Variants in SGSM3 observed in about 807,000 individuals in gnomAD.
SGSM3 encodes the protein RUN and SH3 containing 3.
SGSM3 carries 96 observed loss-of-function variants against 100.5 expected under a neutral mutation model. The observed-to-expected ratio is 0.96, with a 90% CI of 0.81 to 1.13. The LOEUF (loss-of-function observed/expected upper bound fraction) is 1.13. SGSM3 is among the 50% of genes most tolerant of loss of function. SGSM3 has a pLI of 0.00. For missense variants in SGSM3, 1,001 were observed against 1,015.8 expected (o/e 0.99, Z 0.20); for synonymous variants, 483 against 422.8 (o/e 1.14, Z -1.75).
chr22:40,396,342 A>G (rs1478978964), intron 1 of SGSM3, among the ~76,000 whole-genome samples: 3 of 152,106 alleles, frequency 2.0e-5, no homozygotes, highest in Non-Finnish European at 4.4e-5. Context: ...CTGTAATCCC[A>G]GCACTTTGGG....
intron 1 of SGSM3, among the ~76,000 whole-genome samples, chr22:40,373,912 C>A (rs2046054097): frequency 6.6e-6 from 1 of 151,678 alleles, no homozygotes; most frequent in African/African-American, 2.4e-5. Context: ...CCACACCTGG[C>A]CTGATAGGGT....
At position 40,408,074 on chromosome 22, in the gene SGSM3, G is replaced by T. The variant is rs200384598; in HGVS notation, c.1583G>T (p.Trp528Leu). Reference sequence around the variant, plus strand: ...ACAGGGCCTGTTTTTCCCACAGGCTGGTTTCCAGCCAAGTTCGTGGAAGTC... The same window carrying T: ...ACAGGGCCTGTTTTTCCCACAGGCTTGTTTCCAGCCAAGTTCGTGGAAGTC... The part of the protein sequence containing the change: ...WVGELNGLRG[W>L]FPAKFVEVLD... The change falls in exon 15 of 22, where the codon TGG becomes TTG. Residue 528 changes from tryptophan (W) to leucine (L), a missense_variant. Physicochemically the swap from Trp to Leu is moderately conservative, Grantham distance 61. Transcript: ENST00000248929. The T allele has an allele frequency of 6.2e-7, 1 of 1,613,540 alleles. No homozygotes were observed. Among genetic ancestry groups the T allele is most frequent in the East Asian group, 2.2e-5 (1 of 44,848 alleles).
chr22:40,409,444 C>G lies in SGSM3; in HGVS notation c.2112-21C>G, dbSNP rs116839706. On this transcript the variant is annotated intron_variant, in intron 20 of 21. Coordinates refer to ENST00000248929, the MANE Select transcript of SGSM3 (RefSeq NM_015705.6). ...CTAGCTGGGGGTGACAAGAGCCTTACCACCCCTTCCTCACCTCTAGAGTCC... is the reference window on the plus strand; with the variant it reads ...CTAGCTGGGGGTGACAAGAGCCTTAGCACCCCTTCCTCACCTCTAGAGTCC... 267 of 1,566,534 alleles carry G rather than the reference C, an allele frequency of 1.7e-4. 1 individual carries two copies. In the African/African-American group the frequency reaches 3.1e-3, roughly 18 times the overall value.
Position 40,409,254 on chromosome 22 carries a change from C to T in SGSM3, c.1993C>T (p.Gln665Ter), listed in dbSNP as rs1293637619. The T allele has an allele frequency of 1.2e-6, 2 of 1,604,680 alleles. No homozygotes were observed. The highest frequency in any genetic ancestry group is 1.7e-6 in the Non-Finnish European group (2 of 1,177,372). The change falls in exon 20 of 22, where the codon CAG becomes TAG. Residue 665 changes from glutamine to a stop codon, truncating the protein, a stop_gained. Coordinates refer to ENST00000248929, the MANE Select transcript of SGSM3 (RefSeq NM_015705.6). LOFTEE classifies it high-confidence loss of function. ...CACTCCTGGCCATGTCCCCAGTGAG[C>T]AGGTGCTGCACCTGTGGCTGGAGGT... ...RSLICVGLNEQVLHLWLEVLC... is the reference protein window; with the variant it reads ...RSLICVGLNE
intron 1 of SGSM3, chr22:40,387,378 T>C (rs999216069): frequency 7.7e-6 from 3 of 391,902 alleles, no homozygotes; most frequent in Non-Finnish European, 1.3e-5. Context: ...ATTATATAGA[T>C]GGTAATGGCA....
Position 40,409,994 on chromosome 22 carries a change from T to A in SGSM3, c.*235T>A, listed in dbSNP as rs2052381245. 24 of 1,325,046 alleles carry A rather than the reference T, an allele frequency of 1.8e-5. No homozygotes were observed. Among genetic ancestry groups the A allele is most frequent in the Non-Finnish European group, 2.3e-5 (24 of 1,042,998 alleles). The allele number at this position is 1,325,046 out of a possible 1,614,324, so 82.1% of individuals were successfully genotyped here. ...CAAACCACAGTTTGTACCAAAAACC[T>A]TGTGAGGAGGTGGGGGAGCCATGTC... On this transcript the variant is annotated 3_prime_UTR_variant, in exon 22 of 22. Transcript: ENST00000248929.
chr22:40,406,314 CCCCCTGG>C, intron 9 of SGSM3, 91 bp downstream of exon 9: 3 of 1,544,272 alleles, frequency 1.9e-6, no homozygotes, highest in African/African-American at 1.4e-5. Context: ...GCAAGACCAG[CCCCCTGG>C]CCCCTGACAA....
At chr22:40,408,005 G>A in intron 14 of SGSM3, 66 bp from the exon 15 acceptor site, 7 of 1,550,896 alleles carry the variant, frequency 4.5e-6, no homozygotes, top group Non-Finnish European at 6.2e-6. Flanking sequence ...CAGCCTGCCT[G>A]CAGGCTGTGT....
rs1261609516 is a variant in SGSM3 at position 40,407,439 on chromosome 22, G to A, written c.1395G>A (p.Glu465=). Residue 465 remains glutamate (E), a synonymous_variant, in exon 13 of 22, where the codon GAG becomes GAA. Transcript: ENST00000248929. The surrounding 1 kb of genome is among the most constrained non-coding windows in gnomAD (Gnocchi z 4.7). Reference sequence around the variant, plus strand: ...AGCTGACTCCAGACTATAGCATGGAGAGCCACCAGCGGGACCACGAGAACT... The same window carrying A: ...AGCTGACTCCAGACTATAGCATGGAAAGCCACCAGCGGGACCACGAGAACT... ...SVELTPDYSM[E]SHQRDHENYV... 8 of 1,612,690 alleles carry A rather than the reference G, an allele frequency of 5.0e-6. No homozygotes were observed. Among genetic ancestry groups the A allele is most frequent in the Admixed American group, 1.7e-5 (1 of 60,000 alleles).
intron 9 of SGSM3, 82 bp downstream of exon 9, chr22:40,406,305 C>T: frequency 2.5e-6 from 4 of 1,570,314 alleles, no homozygotes; most frequent in Non-Finnish European, 3.5e-6. Context: ...CTGGGCCAGG[C>T]AAGACCAGCC....
At chr22:40,392,142 G>C (rs2049430712) in intron 1 of SGSM3, among the ~76,000 whole-genome samples, 1 of 152,066 alleles carries the variant, frequency 6.6e-6, no homozygotes, top group Non-Finnish European at 1.5e-5. Context: ...GGGACACCTG[G>C]GGATTTTATT....
At chr22:40,394,112 C>T (rs562538066) in intron 1 of SGSM3, among the ~76,000 whole-genome samples, 2 of 152,306 alleles carry the variant, frequency 1.3e-5, no homozygotes, top group African/African-American at 4.8e-5. Context: ...GCATTCCCTC[C>T]TTGGCAATGA....
intron 1 of SGSM3, among the ~76,000 whole-genome samples, chr22:40,400,421 G>C (rs868397816): frequency 1.0e-3 from 156 of 152,174 alleles, no homozygotes; most frequent in African/African-American, 3.6e-3. Context: ...AGGCCGGCGG[G>C]ATCACGAGGT....
chr22:40,405,729 C>T lies in SGSM3; in HGVS notation c.699C>T (p.Pro233=), dbSNP rs56294886. 161 of 1,613,842 alleles carry T rather than the reference C, an allele frequency of 1.0e-4. No homozygotes were observed. The highest frequency in any genetic ancestry group is 3.3e-4 in the Admixed American group (20 of 60,024). The change falls in exon 8 of 22, where the codon CCC becomes CCT. Residue 233 remains proline, a synonymous_variant. Coordinates refer to ENST00000248929, the MANE Select transcript of SGSM3 (RefSeq NM_015705.6). ...CTGCCATCATCGAGGACCTGCTCCC[C>T]GCCTCCTACTTCAGCACCACCCTGC... ...MMSAIIEDLL[P]ASYFSTTLLG...
At chr22:40,394,729 C>T (rs2049833581) in intron 1 of SGSM3, among the ~76,000 whole-genome samples, 1 of 151,716 alleles carries the variant, frequency 6.6e-6, no homozygotes, top group East Asian at 1.9e-4. Context: ...CCTTTTCCAA[C>T]GTTATCTGCT....
In SGSM3 at chr22:40,408,621, C is replaced by T; in HGVS notation, c.1783-6C>T. ...CCTGCACTCACACCGTGTGCTGTCC[C>T]CACAGGCTGCAGGCCGGGAGGTCGA... On this transcript the variant is annotated splice_polypyrimidine_tract_variant and splice_region_variant and intron_variant, in intron 16 of 21. Transcript: ENST00000248929. 1.2e-6 allele frequency: 2 copies of T among 1,613,806 alleles called. No homozygotes were observed. The highest frequency in any genetic ancestry group is 3.3e-5 in the Admixed American group (2 of 60,022).
Position 40,409,895 on chromosome 22 carries a change from G to T in SGSM3, c.*136G>T, listed in dbSNP as rs552980980. The T allele has an allele frequency of 5.6e-5, 80 of 1,426,016 alleles. No individual in the cohort carries two copies. The African/African-American group carries it at 9.9e-4, about 18-fold the overall frequency. The allele number at this position is 1,426,016 out of a possible 1,614,324, so 88.3% of individuals were successfully genotyped here. A position where few individuals can be genotyped will look rare whatever the true frequency, so the allele number is the denominator to read the frequency against. The stretch of plus-strand genomic sequence containing the variant: ...TCAATATCAGGCTGCCCCACTCCAC[G>T]TTCCCCAGCACATCCCAGGTGGTGG... On this transcript the variant is annotated 3_prime_UTR_variant, in exon 22 of 22. Transcript: ENST00000248929.
At chr22:40,379,088 G>A (rs2047124889) in intron 1 of SGSM3, among the ~76,000 whole-genome samples, 1 of 152,142 alleles carries the variant, frequency 6.6e-6, no homozygotes, top group Non-Finnish European at 1.5e-5. Flanking sequence ...TTACTCTGTA[G>A]CACTATTCAT....
intron 4 of SGSM3, among the ~76,000 whole-genome samples, chr22:40,403,551 G>A (rs551913815): frequency 2.6e-5 from 4 of 152,310 alleles, no homozygotes; most frequent in South Asian, 4.1e-4. Context: ...AAGAGGGGCA[G>A]TAAATCATAT....
Sources: allele counts gnomAD v4.1 joint callset (sites outside exome capture counted in the v4.1 genomes callset), GRCh38; gene constraint gnomAD v4.1.1; non-coding constraint Gnocchi (gnomAD v3.1); transcripts MANE v1.5; gene names NCBI Gene and HGNC (gene_info 2026-07-23, HGNC 2026-07-21).